RASSF3: variants seen among roughly 807,000 people sequenced by gnomAD.
RASSF3 encodes Ras association domain family member 3.
A neutral mutation model predicts 19.9 loss-of-function variants in RASSF3; 19 were observed. The ratio of observed to expected loss-of-function variants is 0.96; its 90% CI spans 0.67 to 1.40. The LOEUF (loss-of-function observed/expected upper bound fraction) is 1.40. Among genes scored for constraint, RASSF3 ranks in the 40% most tolerant of loss-of-function variants. The pLI, the probability that RASSF3 is intolerant of heterozygous loss-of-function variation, is 0.00. For synonymous variants in RASSF3, 110 were observed against 104.2 expected (o/e 1.06, Z -0.34); for missense variants, 306 against 289.8 (o/e 1.06, Z -0.41).
intron 2 of RASSF3, among the ~76,000 whole-genome samples, chr12:64,553,042 C>T (rs1292899878): frequency 1.3e-5 from 2 of 152,184 alleles, no homozygotes; most frequent in Admixed American, 1.3e-4. Flanking sequence ...AACCCCATCT[C>T]CACTAAAAAT....
intron 2 of RASSF3, among the ~76,000 whole-genome samples, chr12:64,552,144 A>G (rs1869174548): frequency 6.6e-6 from 1 of 152,050 alleles, no homozygotes; most frequent in Non-Finnish European, 1.5e-5. Flanking sequence ...TTTGTTTTTT[A>G]AAGGACATGG....
At chr12:64,688,813 A>G (rs538992552) in intron 3 of RASSF3, among the ~76,000 whole-genome samples, 91 of 152,282 alleles carry the variant, frequency 6.0e-4, no homozygotes, top group Admixed American at 1.5e-3. Flanking sequence ...GAAGTTTTCA[A>G]TAGCACATTC....
intron 1 of RASSF3, among the ~76,000 whole-genome samples, chr12:64,640,659 T>G (rs1716496): frequency 0.29 from 43,388 of 151,990 alleles, 6,735 homozygotes; most frequent in Non-Finnish European, 0.36. Flanking sequence ...ATTTTATTTT[T>G]TGAGACAGGG....
At chr12:64,666,365 CT>C (rs78645421) in intron 1 of RASSF3, among the ~76,000 whole-genome samples, 4 of 150,860 alleles carry the variant, frequency 2.7e-5, no homozygotes, top group South Asian at 4.2e-4. Flanking sequence ...CTTTCTTTTG[CT>C]TTTTTTTTGT....
Position 64,536,771 on chromosome 12 carries a change from GC to G in RASSF3, c.67+3440del, listed in dbSNP as rs562021085. 8.3e-4 allele frequency among the ~76,000 whole-genome samples: 127 copies of G among 152,306 alleles called. 1 individual carries two copies. The highest frequency in any genetic ancestry group is 2.4e-3 in the Admixed American group (37 of 15,294). The stretch of plus-strand genomic sequence containing the variant: ...TGAGCAGGCAGGTGAGGGATTCAGT[GC>G]CCTTTTCCCTTCAATATCATGTCTA... On this transcript the variant is annotated intron_variant, in intron 1 of 1. Coordinates refer to the RASSF3 transcript ENST00000636333.
chr12:64,675,434 G>A (rs914353945), intron 1 of RASSF3, among the ~76,000 whole-genome samples: 4 of 152,104 alleles, frequency 2.6e-5, no homozygotes, highest in African/African-American at 9.7e-5. Context: ...ACAGGCATGA[G>A]CCACTGTGCC....
At chr12:64,563,461 C>T (rs867846251) in intron 2 of RASSF3, among the ~76,000 whole-genome samples, 1 of 152,202 alleles carries the variant, frequency 6.6e-6, no homozygotes, top group African/African-American at 2.4e-5. Flanking sequence ...TGAGCCACCA[C>T]ACCTGGCCAG....
chr12:64,627,943 A>G (rs1871047917), intron 1 of RASSF3, among the ~76,000 whole-genome samples: 1 of 152,234 alleles, frequency 6.6e-6, no homozygotes, highest in Non-Finnish European at 1.5e-5. Flanking sequence ...AGTAACAGCA[A>G]TAGGATTTGA....
intron 1 of RASSF3, among the ~76,000 whole-genome samples, chr12:64,644,531 G>T (rs1871661320): frequency 6.6e-6 from 1 of 151,660 alleles, no homozygotes; most frequent in Non-Finnish European, 1.5e-5. Context: ...CCCCATCTCC[G>T]CAAAAAAATA....
upstream of RASSF3, among the ~76,000 whole-genome samples, chr12:64,607,012 C>CTCA (rs1225232458): frequency 1.3e-5 from 2 of 152,106 alleles, no homozygotes; most frequent in African/African-American, 4.8e-5. Context: ...GGCATGGTGG[C>CTCA]TCACACCTGT....
chr12:64,667,856 A>G (rs538419524), intron 1 of RASSF3, among the ~76,000 whole-genome samples: 1 of 152,336 alleles, frequency 6.6e-6, no homozygotes, highest in South Asian at 2.1e-4. Context: ...CTGGCTATGC[A>G]TGCATGCTCA....
intron 1 of RASSF3, among the ~76,000 whole-genome samples, chr12:64,616,009 C>T (rs754814476): frequency 2.6e-5 from 4 of 152,090 alleles, no homozygotes; most frequent in Admixed American, 6.6e-5. Flanking sequence ...TTTTAATTCC[C>T]GTATTATGGG....
chr12:64,657,886 C>T (rs1292529285), intron 1 of RASSF3, among the ~76,000 whole-genome samples: 2 of 152,042 alleles, frequency 1.3e-5, no homozygotes, highest in Non-Finnish European at 2.9e-5. Flanking sequence ...AGTTCAAGAC[C>T]AGCCTGGGCG....
intron 1 of RASSF3, among the ~76,000 whole-genome samples, chr12:64,512,736 C>T (rs1868336305): frequency 6.6e-6 from 1 of 152,210 alleles, no homozygotes; most frequent in Non-Finnish European, 1.5e-5. Context: ...ATAACATTCT[C>T]TCTGCTTAAG....
intron 2 of RASSF3, among the ~76,000 whole-genome samples, chr12:64,591,308 C>G (rs1220662220): frequency 3.3e-5 from 5 of 152,110 alleles, no homozygotes; most frequent in African/African-American, 1.2e-4. Context: ...AACGCCATCT[C>G]TACTAAAAAT....
At position 64,585,929 on chromosome 12, in the gene RASSF3, A is replaced by T. The variant is rs909872372; in HGVS notation, c.294+44224A>T. On this transcript the variant is annotated intron_variant, in intron 2 of 5. Coordinates refer to the RASSF3 transcript ENST00000637125. ...CCAAGTCTTTAACAATTGTTATAGT[A>T]GAGAGTCTCTACAAAAACATTTACA... Among the ~76,000 whole-genome samples, 3 of 152,180 alleles carry T rather than the reference A, an allele frequency of 2.0e-5. No individual in the cohort carries two copies. In the South Asian group the frequency reaches 6.2e-4, roughly 32 times the overall value.
intron 2 of RASSF3, among the ~76,000 whole-genome samples, chr12:64,574,234 C>G (rs1255383099): frequency 2.0e-5 from 3 of 151,362 alleles, no homozygotes; most frequent in African/African-American, 4.8e-5. Context: ...TGGCTTGAAC[C>G]TGGGAGACGG....
downstream of RASSF3, among the ~76,000 whole-genome samples, chr12:64,543,781 C>A (rs1450766437): frequency 6.6e-6 from 1 of 151,778 alleles, no homozygotes; most frequent in East Asian, 2.0e-4. Flanking sequence ...CACTAATTGG[C>A]TCTCAGTATC....
At chr12:64,580,233 A>G (rs1319878386) in intron 2 of RASSF3, among the ~76,000 whole-genome samples, 1 of 152,186 alleles carries the variant, frequency 6.6e-6, no homozygotes, top group Non-Finnish European at 1.5e-5. Context: ...ACTTTGGATT[A>G]CAACCCATTA....
Sources: allele counts gnomAD v4.1 joint callset (sites outside exome capture counted in the v4.1 genomes callset), GRCh38; gene constraint gnomAD v4.1.1; transcripts MANE v1.5; gene names NCBI Gene and HGNC (gene_info 2026-07-23, HGNC 2026-07-21).